MDN1: variants seen among roughly 807,000 people sequenced by gnomAD.
MDN1 encodes midasin.
A neutral mutation model predicts 669.2 loss-of-function variants in MDN1; 266 were observed. The ratio of observed to expected loss-of-function variants is 0.40; its 90% CI spans 0.36 to 0.44. MDN1 has a LOEUF of 0.44. Among genes scored for constraint, MDN1 ranks in the 20% least tolerant of loss-of-function variants. The pLI, the probability that MDN1 is intolerant of heterozygous loss-of-function variation, is 1.00. For missense variants in MDN1, 5,940 were observed against 6,754.0 expected (o/e 0.88, Z 4.22); for synonymous variants, 2,385 against 2,457.1 (o/e 0.97, Z 0.87).
chr6:89,801,180 G>A (rs565535136), intron 2 of MDN1, among the ~76,000 whole-genome samples: 5 of 152,244 alleles, frequency 3.3e-5, no homozygotes, highest in South Asian at 4.1e-4. Flanking sequence ...CAGATCACCC[G>A]AGGTCAGGAA....
At chr6:89,707,044 A>C (rs982847183) in intron 52 of MDN1, among the ~76,000 whole-genome samples, 24 of 152,122 alleles carry the variant, frequency 1.6e-4, no homozygotes, top group Non-Finnish European at 2.8e-4. Flanking sequence ...TGGCTCTGTT[A>C]CTTGCTAGAG....
In MDN1 at chr6:89,810,008, A is replaced by AT. The variant is rs1209311644; in HGVS notation, c.103-6455_103-6454insA. 1.2e-3 allele frequency among the ~76,000 whole-genome samples: 170 copies of AT among 142,550 alleles called. 3 individuals are homozygous for AT. The highest frequency in any genetic ancestry group is 3.3e-3 in the South Asian group (15 of 4,506). 93.5% of individuals were successfully genotyped at this position (142,550 alleles called of 152,430 possible). A position where few individuals can be genotyped will look rare whatever the true frequency, so the allele number is the denominator to read the frequency against. ...TCCGTTTCACTAAAAAAAAAAAAAA[A>AT]AAAAAAAAAAAAAAAAAATTAAGTT... On this transcript the variant is annotated intron_variant, in intron 1 of 101. Transcript: ENST00000369393.
chr6:89,652,551 T>C (rs965812462), intron 94 of MDN1, among the ~76,000 whole-genome samples: 1 of 152,208 alleles, frequency 6.6e-6, no homozygotes, highest in Non-Finnish European at 1.5e-5. Flanking sequence ...CCTTAAGTCA[T>C]CAATAATGAA....
At chr6:89,658,454 C>A in intron 89 of MDN1, 84 bp from the exon 90 acceptor site, 1 of 1,573,706 alleles carries the variant, frequency 6.4e-7, no homozygotes, top group South Asian at 1.2e-5. Flanking sequence ...CAGGCTTCCC[C>A]ACTCCTCACT....
intron 75 of MDN1, 151 bp downstream of exon 75, chr6:89,678,448 G>T (rs1811382382): frequency 2.7e-6 from 2 of 739,816 alleles, no homozygotes; most frequent in African/African-American, 3.6e-5. Flanking sequence ...CTGCATGTGA[G>T]TGGAACTCTT....
intron 83 of MDN1, among the ~76,000 whole-genome samples, chr6:89,670,607 T>C (rs1031434997): frequency 2.6e-5 from 4 of 152,102 alleles, no homozygotes; most frequent in African/African-American, 7.2e-5. Context: ...AAGATTTACA[T>C]TGGGGATGGG....
chr6:89,677,455 G>A (rs1420177935), intron 76 of MDN1, 115 bp downstream of exon 76: 3 of 1,324,868 alleles, frequency 2.3e-6, no homozygotes, highest in Non-Finnish European at 3.1e-6. Flanking sequence ...TTTGTAAGTG[G>A]TAGCCACAGT....
intron 34 of MDN1, 67 bp downstream of exon 34, chr6:89,732,490 G>T: frequency 3.6e-6 from 5 of 1,385,560 alleles, no homozygotes; most frequent in Non-Finnish European, 5.0e-6. Context: ...CAGAGGCCTG[G>T]GCTTGCTCCT....
chr6:89,743,567 T>C lies in MDN1; in HGVS notation c.4317+9A>G. On this transcript the variant is annotated intron_variant, in intron 30 of 101. Transcript: ENST00000369393. Reference sequence around the variant, plus strand: ...TTAAAATAACAGGAACACTTGCTGCTGGACAAACCTTGTCGTTTGGCTTTT... The same window carrying C: ...TTAAAATAACAGGAACACTTGCTGCCGGACAAACCTTGTCGTTTGGCTTTT... The C allele has an allele frequency of 2.5e-6, 4 of 1,611,318 alleles. No homozygotes were observed. The highest frequency in any genetic ancestry group is 1.1e-5 in the South Asian group (1 of 90,588).
At chr6:89,782,836 G>A (rs576804079) in intron 9 of MDN1, among the ~76,000 whole-genome samples, 1 of 152,186 alleles carries the variant, frequency 6.6e-6, no homozygotes, top group South Asian at 2.1e-4. Flanking sequence ...GACCCCAAAT[G>A]GAGGGACCAG....
Position 89,790,265 on chromosome 6 carries a change from A to G in MDN1, c.992T>C (p.Ile331Thr). 6.2e-7 allele frequency: 1 copy of G among 1,614,126 alleles called. No individual in the cohort carries two copies. Among genetic ancestry groups the G allele is most frequent in the Non-Finnish European group, 8.5e-7 (1 of 1,180,024 alleles). The change falls in exon 6 of 102, where the codon ATA becomes ACA. Residue 331 changes from isoleucine to threonine, a missense_variant. Ile to Thr is a moderately conservative substitution (Grantham distance 89, BLOSUM62 -1). Coordinates refer to ENST00000369393, the MANE Select transcript of MDN1 (RefSeq NM_014611.3). ...SQNAVLLEGP[I>T]GCGKTSLVEY... ...AACTAAGGAAGTTTTGCCACATCCT[A>G]TTGGTCCTTCCAACAACACAGCATT...
chr6:89,798,914 T>C lies in MDN1; in HGVS notation c.330-4113A>G, dbSNP rs189384033. Among the ~76,000 whole-genome samples the C allele has an allele frequency of 1.5e-3, 231 of 152,314 alleles. 1 individual carries two copies. The highest frequency in any genetic ancestry group is 5.3e-3 in the African/African-American group (222 of 41,566). The stretch of plus-strand genomic sequence containing the variant: ...ACCATTCTGTATTGTTGAATGTTAT[T>C]TGAATATATCACTTCTGGGACTAAA... On this transcript the variant is annotated intron_variant, in intron 2 of 101. Transcript: ENST00000369393.
In MDN1 at chr6:89,672,227, A is replaced by G. The variant is rs1272572857; in HGVS notation, c.13767T>C (p.Gly4589=). 1 of 1,598,918 alleles carries G rather than the reference A, an allele frequency of 6.3e-7. No homozygotes were observed. The highest frequency in any genetic ancestry group is 1.8e-5 in the Admixed American group (1 of 54,378). Residue 4589 remains glycine, a synonymous_variant, in exon 82 of 102, where the codon GGT becomes GGC. Coordinates refer to ENST00000369393, the MANE Select transcript of MDN1 (RefSeq NM_014611.3). Reference sequence around the variant, plus strand: ...GGTGCTTTGCTGCTGTGCCATCCTCACCGTACGATTTCAGCCTCTCCAACA... The same window carrying G: ...GGTGCTTTGCTGCTGTGCCATCCTCGCCGTACGATTTCAGCCTCTCCAACA... The part of the protein sequence containing the change: ...SELLERLKSY[G]EDGTAAKHLF...
intron 8 of MDN1, 65 bp downstream of exon 8, chr6:89,787,789 G>T: frequency 7.8e-7 from 1 of 1,276,046 alleles, no homozygotes; most frequent in Non-Finnish European, 1.1e-6. Context: ...AGGACCTCTG[G>T]CTCAGCATGC....
intron 70 of MDN1, among the ~76,000 whole-genome samples, 164 bp from the exon 71 acceptor site, chr6:89,685,149 T>G (rs1247656847): frequency 6.6e-6 from 1 of 152,114 alleles, no homozygotes; most frequent in Non-Finnish European, 1.5e-5. Flanking sequence ...TGTCTGAGTT[T>G]AGCATTTCCC....
At chr6:89,776,576 G>A (rs1278326163) in intron 12 of MDN1, 24 bp downstream of exon 12, 3 of 1,557,496 alleles carry the variant, frequency 1.9e-6, no homozygotes, top group East Asian at 4.5e-5. Flanking sequence ...TTTCAACAGG[G>A]AAGTAAAAAA....
At chr6:89,716,258 T>C (rs934061226) in intron 44 of MDN1, among the ~76,000 whole-genome samples, 20 of 152,224 alleles carry the variant, frequency 1.3e-4, no homozygotes, top group African/African-American at 4.1e-4. Flanking sequence ...CATGGTTGAA[T>C]TGCTGCATCA....
intron 43 of MDN1, 119 bp downstream of exon 43, chr6:89,718,247 C>A (rs372735492): frequency 3.4e-6 from 4 of 1,161,440 alleles, no homozygotes; most frequent in Non-Finnish European, 4.8e-6. Context: ...AACTTTCCCA[C>A]AAGTTCTGAT....
In MDN1 at chr6:89,707,448, G is replaced by A. The variant is rs756269585; in HGVS notation, c.7927C>T (p.Arg2643Trp). ...KTIIYLDREKRVFTEANLVSV... is the reference protein window; with the variant it reads ...KTIIYLDREKWVFTEANLVSV... The stretch of plus-strand genomic sequence containing the variant: ...ACCAAATTTGCTTCAGTAAAAACCC[G>A]TTTTTCCCGGTCAAGATATATGATT... Residue 2643 changes from arginine (R) to tryptophan (W), a missense_variant, in exon 52 of 102, where the codon CGG (arginine) becomes TGG (tryptophan). Transcript: ENST00000369393. The A allele has an allele frequency of 5.0e-6, 8 of 1,612,830 alleles. No individual in the cohort carries two copies. Among genetic ancestry groups the A allele is most frequent in the African/African-American group, 1.3e-5 (1 of 74,852 alleles).
Sources: allele counts gnomAD v4.1 joint callset (sites outside exome capture counted in the v4.1 genomes callset), GRCh38; gene constraint gnomAD v4.1.1; transcripts MANE v1.5; gene names NCBI Gene and HGNC (gene_info 2026-07-23, HGNC 2026-07-21).